CIMIP2C: variants seen among roughly 807,000 people sequenced by gnomAD.
The protein encoded by CIMIP2C is UPF0573 protein C2orf70.
the CIMIP2C span, chr2:26,577,814 G>C: frequency 0.012 from 6,261 of 536,328 alleles, 48 homozygotes; most frequent in Non-Finnish European, 0.015. Context: ...CAGGGGGGAT[G>C]GTGGTAGCCT....
chr2:26,566,271 G>T, the CIMIP2C span, among the ~76,000 whole-genome samples: 1 of 152,194 alleles, frequency 6.6e-6, no homozygotes, highest in Admixed American at 6.5e-5. Context: ...TCTGCCTGGG[G>T]TGGCAGTTGT....
the CIMIP2C span, chr2:26,563,079 G>T: frequency 1.3e-5 from 3 of 233,682 alleles, no homozygotes; most frequent in Non-Finnish European, 1.7e-5. Flanking sequence ...TCCGTCCGGC[G>T]CACAGGGCCA....
At chr2:26,572,819 G>A in the CIMIP2C span, among the ~76,000 whole-genome samples, 1 of 152,218 alleles carries the variant, frequency 6.6e-6, no homozygotes, top group Non-Finnish European at 1.5e-5. Flanking sequence ...GAAGGAGGGA[G>A]GGGAGAGGTG....
the CIMIP2C span, chr2:26,576,062 A>G: frequency 6.8e-6 from 11 of 1,614,016 alleles, no homozygotes; most frequent in Admixed American, 5.0e-5. Context: ...CACCAACCCC[A>G]ACCTCCTGCT....
the CIMIP2C span, among the ~76,000 whole-genome samples, chr2:26,564,414 C>T: frequency 6.6e-6 from 1 of 152,176 alleles, no homozygotes; most frequent in Non-Finnish European, 1.5e-5. Flanking sequence ...CACTTCTCAG[C>T]AGTTCCCTTG....
chr2:26,576,201 G>GCCTCCCCT, the CIMIP2C span: 1 of 1,596,136 alleles, frequency 6.3e-7, no homozygotes, highest in East Asian at 2.2e-5. Context: ...CTGCCCTGTG[G>GCCTCCCCT]CCTCCCCTCC....
the CIMIP2C span, among the ~76,000 whole-genome samples, chr2:26,576,926 C>G: frequency 2.0e-5 from 3 of 152,234 alleles, no homozygotes; most frequent in African/African-American, 7.2e-5. Context: ...ACCTTACTCT[C>G]TCCATCACCT....
chr2:26,577,399 G>C, the CIMIP2C span: 13 of 920,596 alleles, frequency 1.4e-5, no homozygotes, highest in South Asian at 1.6e-4. Context: ...CTCCTCCGGG[G>C]GCATTAGGGG....
chr2:26,577,178 G>A, the CIMIP2C span, among the ~76,000 whole-genome samples: 3 of 152,232 alleles, frequency 2.0e-5, no homozygotes, highest in Admixed American at 6.5e-5. Context: ...CAGGCCAGGC[G>A]GACATGGTGC....
At chr2:26,567,188 C>T in the CIMIP2C span, among the ~76,000 whole-genome samples, 1 of 152,174 alleles carries the variant, frequency 6.6e-6, no homozygotes, top group African/African-American at 2.4e-5. Flanking sequence ...ACCCAAATCT[C>T]ATCTTGAATT....
chr2:26,577,566 T>C, the CIMIP2C span: 1 of 1,614,124 alleles, frequency 6.2e-7, no homozygotes, highest in Non-Finnish European at 8.5e-7. Context: ...GCACAGTGCC[T>C]CGAGTCCCCT....
the CIMIP2C span, chr2:26,579,183 A>C: frequency 1.0e-5 from 13 of 1,260,972 alleles, no homozygotes; most frequent in South Asian, 1.4e-5. Flanking sequence ...ACTGACGAGT[A>C]GCCGGCAGGT....
At chr2:26,562,892 C>A in the CIMIP2C span, 1 of 574,284 alleles carries the variant, frequency 1.7e-6, no homozygotes, top group Non-Finnish European at 3.1e-6. Flanking sequence ...CCCCAGATTC[C>A]CCTTCACAGG....
At chr2:26,579,007 A>T in the CIMIP2C span, 1 of 523,310 alleles carries the variant, frequency 1.9e-6, no homozygotes, top group Non-Finnish European at 3.7e-6. Flanking sequence ...TAAGAGGGGG[A>T]TACCACCACT....
the CIMIP2C span, among the ~76,000 whole-genome samples, chr2:26,566,112 G>A: frequency 3.2e-3 from 487 of 152,354 alleles, 4 homozygotes; most frequent in Middle Eastern, 6.8e-3. Flanking sequence ...TTCTGGCCAT[G>A]CCTCACCGGC....
the CIMIP2C span, chr2:26,578,915 C>T: frequency 2.1e-6 from 1 of 475,434 alleles, no homozygotes; most frequent in Non-Finnish European, 4.3e-6. Flanking sequence ...GCACCATCAC[C>T]ATTTCTTAGA....
the CIMIP2C span, among the ~76,000 whole-genome samples, chr2:26,568,882 A>C: frequency 2.6e-5 from 4 of 152,062 alleles, no homozygotes; most frequent in African/African-American, 9.7e-5. Context: ...TTAGCTGGGC[A>C]TAGTGGCGGG....
At chr2:26,565,531 T>C in the CIMIP2C span, among the ~76,000 whole-genome samples, 1 of 152,292 alleles carries the variant, frequency 6.6e-6, no homozygotes. Context: ...CGTCATGTGG[T>C]GTTTCACACT....
At chr2:26,579,186 C>T in the CIMIP2C span, 17 of 1,346,268 alleles carry the variant, frequency 1.3e-5, no homozygotes, top group African/African-American at 2.9e-5. Context: ...GACGAGTAGC[C>T]GGCAGGTCAG....
Sources: allele counts gnomAD v4.1 joint callset (sites outside exome capture counted in the v4.1 genomes callset), GRCh38; gene constraint gnomAD v4.1.1; transcripts MANE v1.5; gene names NCBI Gene and HGNC (gene_info 2026-07-23, HGNC 2026-07-21).